TRPC4AP: variants seen among roughly 807,000 people sequenced by gnomAD.
The protein encoded by TRPC4AP is transient receptor potential cation channel subfamily C member 4 associated protein.
A neutral mutation model predicts 99.0 loss-of-function variants in TRPC4AP; 45 were observed. That is an observed-to-expected ratio of 0.45 (90% CI 0.36 to 0.58). TRPC4AP has a LOEUF of 0.58. TRPC4AP is among the 20% of genes least tolerant of loss of function. TRPC4AP has a pLI of 0.00. For missense variants in TRPC4AP, 879 were observed against 985.3 expected, an observed-to-expected ratio of 0.89 and a Z score of 1.44; for synonymous variants, 408 against 385.8, an observed-to-expected ratio of 1.06 and a Z score of -0.67.
chr20:35,084,395 A>G (rs945964951), intron 1 of TRPC4AP, among the ~76,000 whole-genome samples: 10 of 151,968 alleles, frequency 6.6e-5, no homozygotes, highest in East Asian at 1.9e-4. Flanking sequence ...ATTTAAAAAC[A>G]GTAAAATAAA....
intron 2 of TRPC4AP, among the ~76,000 whole-genome samples, chr20:35,073,959 T>C (rs1453628996): frequency 6.6e-6 from 1 of 152,228 alleles, no homozygotes; most frequent in Non-Finnish European, 1.5e-5. Context: ...CTGTTATTGG[T>C]CTATTCAGGG....
rs1356094997 is a variant in TRPC4AP, at chr20:35,003,036, C to G, written c.*110G>C. On this transcript the variant is annotated 3_prime_UTR_variant, in exon 19 of 19. Coordinates refer to ENST00000252015, the MANE Select transcript of TRPC4AP (RefSeq NM_015638.3). ...TCCCACCAAGCCTGTACCCAAAGAC[C>G]TGGGGCAGGCAGAGAGCAGCAGGGA... The G allele has an allele frequency of 6.7e-7, 1 of 1,482,552 alleles. No homozygotes were observed. The highest frequency in any genetic ancestry group is 1.4e-5 in the African/African-American group (1 of 72,202). 91.8% of individuals were successfully genotyped at this position (1,482,552 alleles called of 1,614,324 possible).
intron 2 of TRPC4AP, among the ~76,000 whole-genome samples, chr20:35,076,463 T>C (rs1424950023): frequency 6.6e-6 from 1 of 152,214 alleles, no homozygotes; most frequent in African/African-American, 2.4e-5. Context: ...CCTTTCTGTT[T>C]GTTAGTTTTC....
intron 6 of TRPC4AP, among the ~76,000 whole-genome samples, chr20:35,049,257 T>G (rs11696652): frequency 0.19 from 27,687 of 143,834 alleles, 2,576 homozygotes; most frequent in Middle Eastern, 0.35. Flanking sequence ...ATCATAGCTG[T>G]TTTTTTTTTT....
intron 1 of TRPC4AP, 49 bp downstream of exon 1, chr20:35,092,565 G>T: frequency 8.5e-7 from 1 of 1,173,810 alleles, no homozygotes; most frequent in Non-Finnish European, 1.1e-6. Flanking sequence ...CCCCCCGCCA[G>T]CTCCCGCCTG....
rs560565381 is a variant in TRPC4AP at position 35,071,749 on chromosome 20, G to A, written c.298-2337C>T. Among the ~76,000 whole-genome samples the A allele has an allele frequency of 3.5e-4, 54 of 152,212 alleles. 2 individuals are homozygous for A. In the South Asian group the frequency reaches 0.01, roughly 29 times the overall value. On this transcript the variant is annotated intron_variant, in intron 2 of 18. Coordinates refer to ENST00000252015, the MANE Select transcript of TRPC4AP (RefSeq NM_015638.3). ...GAATAGTGCTGCAATAAATATACAC[G>A]TGCATGTGTCTTTATAGCAGCATGA...
In TRPC4AP at chr20:35,042,679, T is replaced by A. The variant is rs2083468480; in HGVS notation, c.865+1826A>T. 3.9e-5 allele frequency among the ~76,000 whole-genome samples: 6 copies of A among 152,298 alleles called. No individual in the cohort carries two copies. In the South Asian group the frequency reaches 1.2e-3, roughly 32 times the overall value. On this transcript the variant is annotated intron_variant, in intron 7 of 18. Transcript: ENST00000252015. ...CTAGCTTTTAAGACACAAGTTTCAGTTCAAATATGAATTATCTACACTCTT... is the reference window on the plus strand; with the variant it reads ...CTAGCTTTTAAGACACAAGTTTCAGATCAAATATGAATTATCTACACTCTT...
intron 2 of TRPC4AP, among the ~76,000 whole-genome samples, chr20:35,076,583 T>C (rs1051033694): frequency 1.3e-5 from 2 of 152,208 alleles, no homozygotes; most frequent in Admixed American, 1.3e-4. Flanking sequence ...ACAGCAAATA[T>C]TGCAGAACGG....
At chr20:35,063,753 C>T (rs543222241) in intron 3 of TRPC4AP, among the ~76,000 whole-genome samples, 3 of 152,076 alleles carry the variant, frequency 2.0e-5, no homozygotes, top group South Asian at 4.2e-4. Context: ...CCCAGCTACT[C>T]GGGAGACTGA....
intron 1 of TRPC4AP, among the ~76,000 whole-genome samples, chr20:35,090,328 C>A (rs1196402813): frequency 4.1e-5 from 6 of 146,148 alleles, no homozygotes; most frequent in African/African-American, 1.5e-4. Context: ...CAATAACCTG[C>A]CTTGCTTTTG....
chr20:35,087,544 CT>C (rs1328541427), intron 1 of TRPC4AP, among the ~76,000 whole-genome samples: 1 of 152,134 alleles, frequency 6.6e-6, no homozygotes, highest in Non-Finnish European at 1.5e-5. Flanking sequence ...GTGAGCTGCA[CT>C]ATCCTAGAGC....
intron 8 of TRPC4AP, 130 bp from the exon 9 acceptor site, chr20:35,021,486 T>A (rs912785011): frequency 2.6e-5 from 27 of 1,046,146 alleles, no homozygotes; most frequent in Middle Eastern, 3.2e-4. Flanking sequence ...ACACAGACTC[T>A]GAAAGCTGCA....
chr20:35,087,404 T>C (rs1054207970), intron 1 of TRPC4AP, among the ~76,000 whole-genome samples: 3 of 151,690 alleles, frequency 2.0e-5, no homozygotes, highest in Admixed American at 6.6e-5. Context: ...CAGGGGCATT[T>C]AGATATGCCA....
intron 4 of TRPC4AP, among the ~76,000 whole-genome samples, chr20:35,056,555 G>C (rs6120816): frequency 0.59 from 89,152 of 151,788 alleles, 27,166 homozygotes; most frequent in Middle Eastern, 0.74. Context: ...ACAGTATGTC[G>C]TATTGGGGTA....
intron 8 of TRPC4AP, among the ~76,000 whole-genome samples, chr20:35,028,424 C>T (rs1294748201): frequency 6.6e-6 from 1 of 152,098 alleles, no homozygotes; most frequent in African/African-American, 2.4e-5. Context: ...TTGTGATCTC[C>T]TGTTTGACCC....
intron 3 of TRPC4AP, among the ~76,000 whole-genome samples, chr20:35,066,262 C>T (rs2084142592): frequency 6.6e-6 from 1 of 152,072 alleles, no homozygotes; most frequent in Non-Finnish European, 1.5e-5. Context: ...TGTGCTACCA[C>T]AATCGGCTAA....
chr20:35,029,982 C>T (rs1249240767), intron 8 of TRPC4AP, among the ~76,000 whole-genome samples: 2 of 145,990 alleles, frequency 1.4e-5, no homozygotes, highest in Non-Finnish European at 3.0e-5. Context: ...TGGCTCATAC[C>T]CGTAATCCCA....
chr20:35,035,424 A>C (rs1405305262), intron 7 of TRPC4AP, 116 bp from the exon 8 acceptor site: 8 of 1,078,772 alleles, frequency 7.4e-6, no homozygotes, highest in Non-Finnish European at 1.0e-5. Flanking sequence ...ATAGTAGCTA[A>C]AGCTACTCTT....
intron 1 of TRPC4AP, among the ~76,000 whole-genome samples, chr20:35,091,482 T>C (rs779679288): frequency 1.4e-4 from 21 of 152,198 alleles, no homozygotes; most frequent in Non-Finnish European, 2.6e-4. Context: ...CTGTGAAAAG[T>C]CTCACTCCCA....
Sources: gnomAD v4.1 joint callset for allele counts (sites outside exome capture counted in the v4.1 genomes callset) on GRCh38, gnomAD v4.1.1 for gene constraint, MANE v1.5 for transcripts, NCBI Gene and HGNC (gene_info 2026-07-23, HGNC 2026-07-21) for gene names.